The following MID1 variants were observed in gnomAD, a reference collection of about 807,000 sequenced individuals.
MID1 encodes midline 1.
A neutral mutation model predicts 40.4 loss-of-function variants in MID1; 7 were observed. The observed-to-expected ratio is 0.17, with a 90% CI of 0.10 to 0.33. The LOEUF (loss-of-function observed/expected upper bound fraction) is 0.33. Ranked by LOEUF, MID1 falls within the 10% of genes least tolerant of loss-of-function variation. The pLI, the probability that MID1 is intolerant of heterozygous loss-of-function variation, is 1.00. For synonymous variants in MID1, 229 were observed against 221.2 expected, an observed-to-expected ratio of 1.04 and a Z score of -0.31; for missense variants, 367 against 558.5, an observed-to-expected ratio of 0.66 and a Z score of 3.46.
chrX:10,580,700 C>CT (rs1034148381), intron 1 of MID1, among the ~76,000 whole-genome samples: 8 of 109,914 alleles, frequency 7.3e-5, no homozygotes, highest in Middle Eastern at 4.7e-3. Flanking sequence ...AAATTTCAGT[C>CT]TTTTTTTTTC....
intron 1 of MID1, among the ~76,000 whole-genome samples, chrX:10,832,325 T>C (rs771963379): frequency 8.4e-4 from 95 of 112,761 alleles, no homozygotes; most frequent in Middle Eastern, 4.6e-3. Context: ...TTGAAATCAA[T>C]AGTCTCACTA....
intron 1 of MID1, among the ~76,000 whole-genome samples, chrX:10,764,994 C>G (rs745897268): frequency 3.6e-5 from 4 of 112,039 alleles, no homozygotes; most frequent in African/African-American, 9.7e-5. Context: ...TAGCCCTCAT[C>G]ATGTTAACAG....
chrX:10,726,943 A>G (rs945502101), intron 1 of MID1, among the ~76,000 whole-genome samples: 6 of 112,230 alleles, frequency 5.3e-5, no homozygotes, highest in Non-Finnish European at 9.4e-5. Context: ...TGGGACTGGG[A>G]AGGGCTACAG....
At chrX:10,609,648 A>ATCATT (rs946245956) in intron 1 of MID1, among the ~76,000 whole-genome samples, 3 of 108,923 alleles carry the variant, frequency 2.8e-5, no homozygotes, top group African/African-American at 1.0e-4. Flanking sequence ...TAGTAGTTTT[A>ATCATT]TCATTGTCAA....
chrX:10,753,150 T>C (rs190542387), intron 1 of MID1, among the ~76,000 whole-genome samples: 67 of 112,261 alleles, frequency 6.0e-4, no homozygotes, highest in Non-Finnish European at 1.0e-3. Flanking sequence ...TGTAAATCCA[T>C]GGGAATCAAA....
intron 1 of MID1, among the ~76,000 whole-genome samples, chrX:10,787,914 T>C (rs957103093): frequency 2.7e-5 from 3 of 111,186 alleles, no homozygotes; most frequent in African/African-American, 9.8e-5. Flanking sequence ...TATAATGCTT[T>C]ACAGTTTAGA....
At position 10,530,307 on chromosome X, in the gene MID1, T is replaced by A. The variant is rs892574801; in HGVS notation, c.661-7120A>T. Among the ~76,000 whole-genome samples, 7 of 111,666 alleles carry A rather than the reference T, an allele frequency of 6.3e-5. No individual in the cohort carries two copies. In the Admixed American group the frequency reaches 6.7e-4, roughly 11 times the overall value. On this transcript the variant is annotated intron_variant, in intron 2 of 9. Coordinates refer to ENST00000317552, the MANE Select transcript of MID1 (RefSeq NM_000381.4). ...TTCATAGTGCTCTTATTCTGTGAGGTTTACGACTTGGTGGCATTCAATACT... is the reference window on the plus strand; with the variant it reads ...TTCATAGTGCTCTTATTCTGTGAGGATTACGACTTGGTGGCATTCAATACT...
At chrX:10,690,689 T>C (rs1039948496) in intron 1 of MID1, among the ~76,000 whole-genome samples, 1 of 111,743 alleles carries the variant, frequency 8.9e-6, no homozygotes, top group African/African-American at 3.3e-5. Context: ...TCACTGTACC[T>C]CTTGGTGCCT....
chrX:10,770,688 T>A (rs1327382408), intron 1 of MID1, among the ~76,000 whole-genome samples: 1 of 112,497 alleles, frequency 8.9e-6, no homozygotes, highest in Non-Finnish European at 1.9e-5. Context: ...ATATTCGTGT[T>A]CCTTATGAGG....
chrX:10,803,509 C>G (rs1309002033), intron 1 of MID1, among the ~76,000 whole-genome samples: 1 of 109,708 alleles, frequency 9.1e-6, no homozygotes, highest in Admixed American at 9.8e-5. Flanking sequence ...TGCACCACCA[C>G]GCCCGGCTAA....
intron 2 of MID1, among the ~76,000 whole-genome samples, chrX:10,542,892 C>T (rs750542589): frequency 1.1e-3 from 128 of 112,184 alleles, no homozygotes; most frequent in Non-Finnish European, 1.6e-3. Context: ...CAATTCCATT[C>T]CAGTTCATTA....
At chrX:10,463,593 G>C (rs1433552599) in intron 7 of MID1, among the ~76,000 whole-genome samples, 1 of 112,040 alleles carries the variant, frequency 8.9e-6, no homozygotes, top group Non-Finnish European at 1.9e-5. Flanking sequence ...TTGCAAAACT[G>C]GTCTTTCTTT....
At chrX:10,458,982 CAT>C (rs1440395375) in intron 8 of MID1, among the ~76,000 whole-genome samples, 4 of 109,024 alleles carry the variant, frequency 3.7e-5, no homozygotes, top group Non-Finnish European at 5.7e-5. Flanking sequence ...AAACAAAACA[CAT>C]GTGGACAGAG....
intron 1 of MID1, among the ~76,000 whole-genome samples, chrX:10,758,745 C>T (rs889647701): frequency 9.1e-5 from 10 of 110,432 alleles, no homozygotes; most frequent in African/African-American, 3.3e-4. Context: ...ACCTCAGCCT[C>T]CCAAAGTGCT....
intron 1 of MID1, among the ~76,000 whole-genome samples, chrX:10,702,915 C>T (rs775134634): frequency 1.8e-5 from 2 of 111,421 alleles, no homozygotes; most frequent in Non-Finnish European, 3.8e-5. Flanking sequence ...TCTCTCTCCA[C>T]GAGGACACAC....
At chrX:10,472,476 AATT>A (rs1208433338) in intron 6 of MID1, among the ~76,000 whole-genome samples, 1 of 112,669 alleles carries the variant, frequency 8.9e-6, no homozygotes, top group Non-Finnish European at 1.9e-5. Flanking sequence ...ACTATGAAAT[AATT>A]ATTGGGAAAT....
chrX:10,520,115 A>C (rs948124685), intron 3 of MID1, among the ~76,000 whole-genome samples: 25 of 111,981 alleles, frequency 2.2e-4, no homozygotes, highest in African/African-American at 7.8e-4. Flanking sequence ...AATAGTTGTG[A>C]AATCTATAAG....
chrX:10,580,701 T>C (rs956774030), intron 1 of MID1, among the ~76,000 whole-genome samples: 2 of 110,099 alleles, frequency 1.8e-5, no homozygotes, highest in Non-Finnish European at 3.8e-5. Flanking sequence ...AATTTCAGTC[T>C]TTTTTTTTCT....
chrX:10,810,660 A>G (rs2147152210), intron 1 of MID1, among the ~76,000 whole-genome samples: 1 of 107,145 alleles, frequency 9.3e-6, no homozygotes, highest in South Asian at 4.2e-4. Flanking sequence ...TAGAGTTCCA[A>G]TTTCTCCATG....
Sources: allele counts gnomAD v4.1 joint callset (sites outside exome capture counted in the v4.1 genomes callset), GRCh38; gene constraint gnomAD v4.1.1; transcripts MANE v1.5; gene names NCBI Gene and HGNC (gene_info 2026-07-23, HGNC 2026-07-21).